STARD13: variants seen among roughly 807,000 people sequenced by gnomAD.
The protein encoded by STARD13 is stAR-related lipid transfer protein 13.
Under a neutral mutation model 106.4 loss-of-function variants are expected in STARD13, and 62 were observed. The ratio of observed to expected loss-of-function variants is 0.58; its 90% CI spans 0.48 to 0.72. The LOEUF (loss-of-function observed/expected upper bound fraction) is 0.72, where lower values mean the gene tolerates loss of function less well. STARD13 is among the 30% of genes least tolerant of loss of function. STARD13 has a pLI of 0.00. For synonymous variants in STARD13, 565 were observed against 553.0 expected, an observed-to-expected ratio of 1.02 and a Z score of -0.31; for missense variants, 1,387 against 1,424.0, an observed-to-expected ratio of 0.97 and a Z score of 0.42.
At chr13:33,644,547 A>G in the STARD13 span, among the ~76,000 whole-genome samples, 1 of 151,686 alleles carries the variant, frequency 6.6e-6, no homozygotes, top group South Asian at 2.1e-4. Flanking sequence ...TAGAGAGGAG[A>G]CAGAGAAAAA....
intron 1 of STARD13, among the ~76,000 whole-genome samples, chr13:33,322,271 C>A (rs373407697): frequency 1.3e-5 from 2 of 152,122 alleles, no homozygotes; most frequent in East Asian, 3.8e-4. Context: ...AGAACGTACA[C>A]GATGTACAAA....
the STARD13 span, among the ~76,000 whole-genome samples, chr13:33,600,267 A>G: frequency 6.6e-6 from 1 of 152,250 alleles, no homozygotes; most frequent in African/African-American, 2.4e-5. Flanking sequence ...AGACCAAAAC[A>G]ACAACAGCAG....
At chr13:33,138,311 G>A (rs917248011) in intron 4 of STARD13, 3 of 151,630 alleles carry the variant, frequency 2.0e-5, no homozygotes, top group South Asian at 2.1e-4. Context: ...GAGCAAGCGC[G>A]AATTTTGTAG....
the STARD13 span, among the ~76,000 whole-genome samples, chr13:33,616,722 T>C: frequency 1.3e-5 from 2 of 152,262 alleles, no homozygotes. Context: ...ATATAGCCTC[T>C]GCCTTTAAAT....
chr13:33,382,149 A>G, the STARD13 span, among the ~76,000 whole-genome samples: 2 of 152,274 alleles, frequency 1.3e-5, no homozygotes, highest in African/African-American at 2.4e-5. Context: ...GAATGTTCTT[A>G]GTGGAATTAT....
the STARD13 span, among the ~76,000 whole-genome samples, chr13:33,624,467 T>A: frequency 6.6e-6 from 1 of 152,232 alleles, no homozygotes; most frequent in African/African-American, 2.4e-5. Flanking sequence ...AACAGCACTA[T>A]CAGCATTTAT....
chr13:33,545,802 T>G, the STARD13 span, among the ~76,000 whole-genome samples: 2 of 152,204 alleles, frequency 1.3e-5, no homozygotes, highest in African/African-American at 4.8e-5. Flanking sequence ...CTGGTTCTCC[T>G]TCACCTTCAC....
At chr13:33,515,504 G>A in the STARD13 span, among the ~76,000 whole-genome samples, 5 of 152,258 alleles carry the variant, frequency 3.3e-5, no homozygotes, top group South Asian at 2.1e-4. Context: ...AGAGATAGCT[G>A]GCACAGGAGA....
At chr13:33,132,571 A>C (rs972285740) in intron 4 of STARD13, among the ~76,000 whole-genome samples, 2 of 152,152 alleles carry the variant, frequency 1.3e-5, no homozygotes, top group Non-Finnish European at 2.9e-5. Flanking sequence ...TGAAAAATGG[A>C]CTAATACAGT....
chr13:33,230,026 A>C (rs546791906), intron 1 of STARD13, among the ~76,000 whole-genome samples: 1 of 152,314 alleles, frequency 6.6e-6, no homozygotes, highest in South Asian at 2.1e-4. Context: ...CAGTTGCCTG[A>C]GGCATTTCAA....
chr13:33,575,479 C>A, the STARD13 span, among the ~76,000 whole-genome samples: 1 of 152,088 alleles, frequency 6.6e-6, no homozygotes, highest in South Asian at 2.1e-4. Flanking sequence ...CACCAAAACT[C>A]ATGTTGAAAC....
At chr13:33,162,266 T>A (rs560871671) in intron 3 of STARD13, among the ~76,000 whole-genome samples, 1 of 152,282 alleles carries the variant, frequency 6.6e-6, no homozygotes, top group South Asian at 2.1e-4. Context: ...TGCAAACAGA[T>A]AAGGACCCTG....
intron 1 of STARD13, among the ~76,000 whole-genome samples, chr13:33,331,884 A>G (rs1566143506): frequency 6.6e-6 from 1 of 152,116 alleles, no homozygotes; most frequent in Non-Finnish European, 1.5e-5. Flanking sequence ...CTTCCTCTTA[A>G]TTATGTGATG....
At chr13:33,514,573 G>T in the STARD13 span, among the ~76,000 whole-genome samples, 1 of 152,078 alleles carries the variant, frequency 6.6e-6, no homozygotes, top group Non-Finnish European at 1.5e-5. Context: ...TTAACAGTAG[G>T]TGCCACAATG....
chr13:33,420,653 TC>T, the STARD13 span, among the ~76,000 whole-genome samples: 2 of 152,210 alleles, frequency 1.3e-5, no homozygotes, highest in Admixed American at 1.3e-4. Context: ...GAATATACAT[TC>T]TTCTCAGCAC....
At chr13:33,315,090 T>G (rs1242284886) in intron 1 of STARD13, among the ~76,000 whole-genome samples, 1 of 152,208 alleles carries the variant, frequency 6.6e-6, no homozygotes, top group Non-Finnish European at 1.5e-5. Flanking sequence ...CAGAAAACAC[T>G]TTGCAAAATA....
At chr13:33,228,342 ATTGT>A (rs1888726051) in intron 1 of STARD13, among the ~76,000 whole-genome samples, 1 of 152,130 alleles carries the variant, frequency 6.6e-6, no homozygotes, top group African/African-American at 2.4e-5. Context: ...ATTCATACTG[ATTGT>A]TTCTTATTTA....
the STARD13 span, among the ~76,000 whole-genome samples, chr13:33,367,222 A>G: frequency 6.6e-6 from 1 of 152,216 alleles, no homozygotes; most frequent in African/African-American, 2.4e-5. Flanking sequence ...ATTTTTGACT[A>G]CTTTTCTTTT....
chr13:33,522,582 A>G, the STARD13 span, among the ~76,000 whole-genome samples: 34 of 152,108 alleles, frequency 2.2e-4, no homozygotes, highest in Non-Finnish European at 1.6e-4. Flanking sequence ...CGGATTTTTT[A>G]CTGTCTTCTT....
Sources: gnomAD v4.1 joint callset for allele counts (sites outside exome capture counted in the v4.1 genomes callset) on GRCh38, gnomAD v4.1.1 for gene constraint, MANE v1.5 for transcripts, NCBI Gene and HGNC (gene_info 2026-07-23, HGNC 2026-07-21) for gene names.